The following SPATA13 variants were observed in gnomAD, a reference collection of about 807,000 sequenced individuals.
The protein encoded by SPATA13 is spermatogenesis-associated protein 13.
A neutral mutation model predicts 104.0 loss-of-function variants in SPATA13; 50 were observed. The ratio of observed to expected loss-of-function variants is 0.48; its 90% CI spans 0.38 to 0.61. The LOEUF is 0.61. Ranked by LOEUF, SPATA13 falls within the 20% of genes least tolerant of loss-of-function variation. The pLI is 0.00. For synonymous variants in SPATA13, 606 were observed against 667.5 expected, an observed-to-expected ratio of 0.91 and a Z score of 1.42; for missense variants, 1,524 against 1,690.6, an observed-to-expected ratio of 0.90 and a Z score of 1.73.
chr13:23,988,256 C>T (rs766565345), intron 2 of SPATA13, among the ~76,000 whole-genome samples: 79 of 152,158 alleles, frequency 5.2e-4, no homozygotes, highest in Non-Finnish European at 1.0e-3. Flanking sequence ...CAATTTTGTT[C>T]CTTTTTAAGG....
intron 3 of SPATA13, among the ~76,000 whole-genome samples, chr13:24,090,839 T>C (rs61945477): frequency 0.079 from 12,022 of 152,346 alleles, 567 homozygotes; most frequent in African/African-American, 0.12. Context: ...AACTAAACTT[T>C]CCTGTTTCTT....
At chr13:24,025,871 G>A (rs949216993) in intron 3 of SPATA13, among the ~76,000 whole-genome samples, 2 of 149,928 alleles carry the variant, frequency 1.3e-5, no homozygotes, top group Admixed American at 6.7e-5. Context: ...GTGCAATGGC[G>A]CGATCTCACT....
intron 3 of SPATA13, among the ~76,000 whole-genome samples, chr13:24,031,941 A>G (rs1457138130): frequency 6.6e-6 from 1 of 152,200 alleles, no homozygotes; most frequent in Non-Finnish European, 1.5e-5. Context: ...CTTCACCCAC[A>G]GTTGTCCTCT....
chr13:24,158,085 T>G (rs1400904937), upstream of SPATA13, among the ~76,000 whole-genome samples: 1 of 152,208 alleles, frequency 6.6e-6, no homozygotes, highest in Non-Finnish European at 1.5e-5. Flanking sequence ...TTAGACTTAG[T>G]GAGAGGTGGT....
chr13:24,145,810 C>G (rs1436192997), intron 3 of SPATA13, among the ~76,000 whole-genome samples: 3 of 152,178 alleles, frequency 2.0e-5, no homozygotes, highest in Admixed American at 2.0e-4. Context: ...GGAAAAACAT[C>G]CTTGTGGACA....
chr13:24,152,833 TTCTCTC>T (rs140783597), intron 3 of SPATA13, among the ~76,000 whole-genome samples: 3 of 151,830 alleles, frequency 2.0e-5, no homozygotes, highest in Non-Finnish European at 2.9e-5. Context: ...TGAAGCAGCT[TTCTCTC>T]TCTCTCTCTT....
rs1234835919 is a variant in SPATA13 at position 24,190,302 on chromosome 13, AT to A, written c.-112+29372del. Among the ~76,000 whole-genome samples the A allele has an allele frequency of 1.8e-3, 12 of 6,806 alleles. 4 individuals are homozygous for A. The highest frequency in any genetic ancestry group is 2.0e-3 in the African/African-American group (12 of 6,138). The allele number at this position is 6,806 out of a possible 152,430, so 4.5% of individuals were successfully genotyped here. A position where few individuals can be genotyped will look rare whatever the true frequency, so the allele number is the denominator to read the frequency against. On this transcript the variant is annotated intron_variant, in intron 1 of 12. Transcript: ENST00000382108. ...TATATAATATATAATATTATATATT[AT>A]TATATATAATATATAATATTATATA...
At chr13:24,073,053 C>T (rs967116488) in intron 3 of SPATA13, among the ~76,000 whole-genome samples, 6 of 151,936 alleles carry the variant, frequency 3.9e-5, no homozygotes, top group African/African-American at 9.7e-5. Flanking sequence ...TAGGGATCAC[C>T]GATATTTTGA....
intron 3 of SPATA13, among the ~76,000 whole-genome samples, chr13:24,091,172 C>T (rs1417137706): frequency 6.6e-6 from 1 of 152,242 alleles, no homozygotes; most frequent in East Asian, 1.9e-4. Flanking sequence ...CTGCCTTACC[C>T]TGACCTCTCT....
intron 2 of SPATA13, among the ~76,000 whole-genome samples, chr13:23,995,115 C>A (rs1654604664): frequency 6.6e-6 from 1 of 152,138 alleles, no homozygotes; most frequent in Non-Finnish European, 1.5e-5. Context: ...CCAAAAATGT[C>A]AGTAGTGCCA....
intron 1 of SPATA13, among the ~76,000 whole-genome samples, chr13:24,174,790 G>C (rs1026123624): frequency 6.6e-6 from 1 of 152,156 alleles, no homozygotes; most frequent in Non-Finnish European, 1.5e-5. Context: ...TGTTGGCCAG[G>C]CTGGTCTTGA....
chr13:24,257,043 C>A (rs545587896), intron 4 of SPATA13, among the ~76,000 whole-genome samples: 1 of 152,338 alleles, frequency 6.6e-6, no homozygotes, highest in East Asian at 1.9e-4. Flanking sequence ...TACCTAAGCT[C>A]CTAATTTTTT....
At chr13:24,122,373 A>T in intron 3 of SPATA13, 1 of 1,566,396 alleles carries the variant, frequency 6.4e-7, no homozygotes, top group Non-Finnish European at 8.8e-7. Flanking sequence ...GGTTATCTTC[A>T]TCATCAATGA....
In SPATA13 at chr13:24,249,828, A is replaced by G. The variant is rs199892055; in HGVS notation, c.2005A>G (p.Asn669Asp). The G allele has an allele frequency of 3.0e-4, 480 of 1,604,874 alleles. No homozygotes were observed. The highest frequency in any genetic ancestry group is 3.8e-4 in the Non-Finnish European group (444 of 1,175,308). The change falls in exon 3 of 13, where the codon AAT (asparagine) becomes GAT (aspartate). Residue 669 changes from asparagine to aspartate, a missense_variant. Asn to Asp is a conservative substitution (Grantham distance 23). Around this residue, in one of 2 missense-constraint regions of SPATA13, gnomAD observed 1,089 missense variants for 1,135.9 expected, o/e 0.96. Transcript: ENST00000382108. ...YGTNQTEELD[N>D]LLTQPASRPP... ...GACCAACCAGACGGAGGAACTGGAC[A>G]ATCTTCTGACCCAAGTAAGATCTGG... is the stretch of plus-strand genomic sequence containing the variant.
At chr13:24,284,697 G>A (rs1875795429) in intron 5 of SPATA13, among the ~76,000 whole-genome samples, 1 of 152,118 alleles carries the variant, frequency 6.6e-6, no homozygotes, top group East Asian at 1.9e-4. Context: ...GTGATTCTCT[G>A]ACCTCGTCCA....
intron 2 of SPATA13, among the ~76,000 whole-genome samples, chr13:24,226,923 A>C (rs918430100): frequency 3.9e-5 from 6 of 152,226 alleles, no homozygotes; most frequent in African/African-American, 1.4e-4. Context: ...GTGAGACTGC[A>C]TATTGTCTGT....
At chr13:24,202,168 C>T (rs1389209107) in intron 1 of SPATA13, among the ~76,000 whole-genome samples, 1 of 152,076 alleles carries the variant, frequency 6.6e-6, no homozygotes, top group Non-Finnish European at 1.5e-5. Context: ...TAAGTTTATC[C>T]TTGCCTTTTA....
intron 11 of SPATA13, among the ~76,000 whole-genome samples, chr13:24,300,030 C>G (rs890339371): frequency 2.0e-5 from 3 of 152,206 alleles, no homozygotes; most frequent in African/African-American, 7.2e-5. Context: ...TGGGTGAACA[C>G]GCCCTGGGAC....
intron 2 of SPATA13, among the ~76,000 whole-genome samples, chr13:24,010,068 C>T (rs75353853): frequency 0.031 from 4,754 of 152,226 alleles, 91 homozygotes; most frequent in Non-Finnish European, 0.051. Context: ...GTAAGATGTA[C>T]ACTGGTTTTG....
Sources: allele counts gnomAD v4.1 joint callset (sites outside exome capture counted in the v4.1 genomes callset), GRCh38; gene constraint gnomAD v4.1.1; regional missense constraint gnomAD v4.1.1; transcripts MANE v1.5; gene names NCBI Gene and HGNC (gene_info 2026-07-23, HGNC 2026-07-21).